Variants in PPP1R37 observed in about 807,000 individuals in gnomAD.
The protein encoded by PPP1R37 is protein phosphatase 1 regulatory subunit 37.
Under a neutral mutation model 61.0 loss-of-function variants are expected in PPP1R37, and 21 were observed. That is an observed-to-expected ratio of 0.34 (90% CI 0.24 to 0.50). The LOEUF (loss-of-function observed/expected upper bound fraction) is 0.50. Ranked by LOEUF, PPP1R37 falls within the 20% of genes least tolerant of loss-of-function variation. The probability of loss-of-function intolerance (pLI) is 0.98; values close to 1 mark genes in which losing one functional copy is unlikely to be tolerated. For synonymous variants in PPP1R37, 443 were observed against 433.5 expected, an observed-to-expected ratio of 1.02 and a Z score of -0.27; for missense variants, 910 against 952.7, an observed-to-expected ratio of 0.96 and a Z score of 0.59.
intron 1 of PPP1R37, among the ~76,000 whole-genome samples, chr19:45,124,077 C>T (rs1234210131): frequency 2.6e-5 from 4 of 152,184 alleles, no homozygotes; most frequent in African/African-American, 9.7e-5. Flanking sequence ...ACAGACCACC[C>T]CATGCTGTCT....
chr19:45,134,018 C>G (rs2067955684), intron 1 of PPP1R37, among the ~76,000 whole-genome samples: 1 of 152,234 alleles, frequency 6.6e-6, no homozygotes, highest in African/African-American at 2.4e-5. Context: ...TGAACTGTTT[C>G]ACGCTGCCAT....
intron 1 of PPP1R37, among the ~76,000 whole-genome samples, chr19:45,110,899 C>T (rs1246165126): frequency 1.3e-5 from 2 of 152,180 alleles, no homozygotes; most frequent in Admixed American, 1.3e-4. Flanking sequence ...GACCAGAAGC[C>T]TGAGGCAGGT....
chr19:45,116,961 T>G (rs925032643), intron 1 of PPP1R37, among the ~76,000 whole-genome samples: 2 of 149,634 alleles, frequency 1.3e-5, no homozygotes, highest in Non-Finnish European at 3.0e-5. Context: ...TTGCCCAGGC[T>G]GGAGTGCAGT....
chr19:45,094,533 C>T (rs936463680), intron 1 of PPP1R37, among the ~76,000 whole-genome samples: 1 of 151,980 alleles, frequency 6.6e-6, no homozygotes, highest in African/African-American at 2.4e-5. Context: ...TTAAAACCAG[C>T]CTGGCCAACA....
chr19:45,094,210 C>A (rs1248850027), intron 1 of PPP1R37, among the ~76,000 whole-genome samples: 1 of 152,164 alleles, frequency 6.6e-6, no homozygotes, highest in Admixed American at 6.5e-5. Flanking sequence ...TCTCGGACTT[C>A]TGGGTTCAAG....
At chr19:45,127,744 A>G (rs1389344139) in intron 1 of PPP1R37, among the ~76,000 whole-genome samples, 1 of 152,104 alleles carries the variant, frequency 6.6e-6, no homozygotes, top group East Asian at 1.9e-4. Flanking sequence ...TGGGAGGCCG[A>G]GGTGGGTGGA....
intron 1 of PPP1R37, among the ~76,000 whole-genome samples, chr19:45,113,381 C>T (rs1423705961): frequency 1.3e-5 from 2 of 152,228 alleles, no homozygotes; most frequent in Non-Finnish European, 2.9e-5. Flanking sequence ...TTGAGCCCTC[C>T]GTGCATCAGC....
intron 1 of PPP1R37, chr19:45,136,099 AAGG>A (rs1314606097): frequency 7.2e-5 from 11 of 152,270 alleles, no homozygotes; most frequent in Admixed American, 7.2e-4. Context: ...GATGATTTTT[AAGG>A]CGAAACATTA....
rs1286328461 is a variant in PPP1R37, at chr19:45,140,162, TAGC to T, written c.301-70_301-68del. ...CCAGAACCCTGCCTGACCTCAGGCA[TAGC>T]AGCCATTTGGGGCCTCGGCTGCCCC... On this transcript the variant is annotated intron_variant, in intron 2 of 12. Transcript: ENST00000221462. 9 of 1,322,734 alleles carry T rather than the reference TAGC, an allele frequency of 6.8e-6. No homozygotes were observed. In the South Asian group the frequency reaches 7.5e-5, roughly 11 times the overall value. The allele number at this position is 1,322,734 out of a possible 1,614,324, so 81.9% of individuals were successfully genotyped here. A position where few individuals can be genotyped will look rare whatever the true frequency, so the allele number is the denominator to read the frequency against.
chr19:45,118,214 C>G (rs1968295119), intron 1 of PPP1R37, among the ~76,000 whole-genome samples: 1 of 152,230 alleles, frequency 6.6e-6, no homozygotes, highest in Non-Finnish European at 1.5e-5. Flanking sequence ...GCCGCTGTCC[C>G]CATGAGTGCC....
chr19:45,123,536 C>T (rs971958651), intron 1 of PPP1R37, among the ~76,000 whole-genome samples: 1 of 152,236 alleles, frequency 6.6e-6, no homozygotes, highest in African/African-American at 2.4e-5. Context: ...GGTACTGATG[C>T]AGGACAGACA....
chr19:45,128,581 T>G (rs1219908523), intron 1 of PPP1R37: 2 of 1,265,012 alleles, frequency 1.6e-6, no homozygotes, highest in East Asian at 2.7e-5. Context: ...GCAGATGATT[T>G]GGACTTCGAG....
chr19:45,110,697 A>G (rs1263684310), intron 1 of PPP1R37, among the ~76,000 whole-genome samples: 2 of 152,216 alleles, frequency 1.3e-5, no homozygotes, highest in African/African-American at 4.8e-5. Flanking sequence ...GTTCCCAAAC[A>G]GACCTCTGAG....
chr19:45,145,496 C>T lies in PPP1R37; in HGVS notation c.1440C>T (p.Thr480=), dbSNP rs761912418. The change falls in exon 11 of 13, where the codon ACC becomes ACT. Residue 480 remains threonine (T), a synonymous_variant. Coordinates refer to ENST00000221462, the MANE Select transcript of PPP1R37 (RefSeq NM_019121.2). ...CCTCCATGCCTGAGACCACCGCCAC[C>T]GAGCCCCAGCCCGACGACGAGCCCG... ...LSASMPETTA[T]EPQPDDEPAA... 2.5e-5 allele frequency: 39 copies of T among 1,534,470 alleles called. No homozygotes were observed. The South Asian group carries it at 4.2e-4, about 16-fold the overall frequency.
intron 2 of PPP1R37, 72 bp from the exon 3 acceptor site, chr19:45,140,164 G>A: frequency 7.4e-7 from 1 of 1,343,516 alleles, no homozygotes; most frequent in South Asian, 1.2e-5. Flanking sequence ...CTCAGGCATA[G>A]CAGCCATTTG....
rs1038939380 is a variant in PPP1R37, at chr19:45,146,570, G to C, written c.*9-1G>C. On this transcript the variant is annotated splice_acceptor_variant, in intron 12 of 12. Coordinates refer to ENST00000221462, the MANE Select transcript of PPP1R37 (RefSeq NM_019121.2). LOFTEE classifies it low-confidence loss of function (3UTR_SPLICE). ...CTCTCCCCCAATCTCTCCTCCCCAA[G>C]TTCCCTTTTTCCGGTCGGTCTGCGA... The C allele has an allele frequency of 1.0e-6, 1 of 970,632 alleles. No individual in the cohort carries two copies. Among genetic ancestry groups the C allele is most frequent in the Non-Finnish European group, 1.5e-6 (1 of 649,278 alleles). 60.1% of individuals were successfully genotyped at this position (970,632 alleles called of 1,614,324 possible). A position where few individuals can be genotyped will look rare whatever the true frequency, so the allele number is the denominator to read the frequency against.
intron 1 of PPP1R37, among the ~76,000 whole-genome samples, chr19:45,119,971 ATT>A (rs1045322458): frequency 1.4e-5 from 2 of 140,264 alleles, no homozygotes; most frequent in African/African-American, 2.7e-5. Flanking sequence ...CTCTGTGTTC[ATT>A]TGCTTTTAAA....
chr19:45,123,656 G>C (rs946284320), intron 1 of PPP1R37, among the ~76,000 whole-genome samples: 10 of 152,162 alleles, frequency 6.6e-5, no homozygotes. Flanking sequence ...ATTATGATGC[G>C]GATTAAATGC....
chr19:45,129,086 C>T, intron 1 of PPP1R37: 1 of 619,316 alleles, frequency 1.6e-6, no homozygotes, highest in Non-Finnish European at 3.1e-6. Context: ...ACTGCAGAGG[C>T]CCCCTCCTCT....
Sources: allele counts gnomAD v4.1 joint callset (sites outside exome capture counted in the v4.1 genomes callset), GRCh38; gene constraint gnomAD v4.1.1; transcripts MANE v1.5; gene names NCBI Gene and HGNC (gene_info 2026-07-23, HGNC 2026-07-21).